The following WDR48 variants were observed in gnomAD, a reference collection of about 807,000 sequenced individuals.
The protein encoded by WDR48 is WD repeat-containing protein 48.
A neutral mutation model predicts 94.0 loss-of-function variants in WDR48; 22 were observed. The observed-to-expected ratio is 0.23, with a 90% confidence interval of 0.17 to 0.33. The LOEUF (loss-of-function observed/expected upper bound fraction) is 0.33, where lower values mean the gene tolerates loss of function less well. Among genes scored for constraint, WDR48 ranks in the 10% least tolerant of loss-of-function variants. WDR48 has a pLI of 1.00. For missense variants in WDR48, 541 were observed against 813.8 expected (o/e 0.66, Z 4.08); for synonymous variants, 278 against 280.5 (o/e 0.99, Z 0.09).
chr3:39,065,649 T>C, intron 2 of WDR48, 162 bp from the exon 3 acceptor site: 2 of 473,416 alleles, frequency 4.2e-6, no homozygotes, highest in Non-Finnish European at 7.4e-6. Flanking sequence ...ATCTGTTATC[T>C]GGAAGCATCA....
At chr3:39,052,177 G>C in intron 1 of WDR48, 104 bp downstream of exon 1, 1 of 1,420,050 alleles carries the variant, frequency 7.0e-7, no homozygotes, top group Admixed American at 2.0e-5. Context: ...TAGCGGCATG[G>C]GGCGAACGGG....
chr3:39,063,399 G>A (rs1021303104), intron 2 of WDR48, among the ~76,000 whole-genome samples: 1 of 152,142 alleles, frequency 6.6e-6, no homozygotes, highest in Non-Finnish European at 1.5e-5. Context: ...CTAAGACAAG[G>A]ACTCCCTAAA....
chr3:39,068,179 C>T (rs900379340), intron 5 of WDR48, among the ~76,000 whole-genome samples: 1 of 152,066 alleles, frequency 6.6e-6, no homozygotes, highest in Admixed American at 6.5e-5. Context: ...CTAAACAGTA[C>T]ATGTAGTAAC....
At chr3:39,069,553 A>G in intron 6 of WDR48, 90 bp from the exon 7 acceptor site, 2 of 1,153,828 alleles carry the variant, frequency 1.7e-6, no homozygotes, top group Non-Finnish European at 2.5e-6. Flanking sequence ...TCAGAATATA[A>G]TGGTTATCAT....
At chr3:39,084,838 ATATTTTGT>A (rs2034724829) in intron 13 of WDR48, 97 bp downstream of exon 13, 1 of 999,318 alleles carries the variant, frequency 1.0e-6, no homozygotes. Context: ...AAAGTTCTCT[ATATTTTGT>A]TGACTATGTC....
At chr3:39,068,199 C>T (rs188254452) in intron 5 of WDR48, among the ~76,000 whole-genome samples, 2 of 152,206 alleles carry the variant, frequency 1.3e-5, no homozygotes, top group East Asian at 3.9e-4. Flanking sequence ...CTCATTTACT[C>T]AACTTTTTAA....
intron 17 of WDR48, among the ~76,000 whole-genome samples, chr3:39,092,481 G>A (rs1244074026): frequency 6.6e-6 from 1 of 152,154 alleles, no homozygotes; most frequent in African/African-American, 2.4e-5. Flanking sequence ...CCATGCACCT[G>A]CAGCATGGGA....
chr3:39,068,201 A>G (rs776812595), intron 5 of WDR48, among the ~76,000 whole-genome samples: 28 of 152,196 alleles, frequency 1.8e-4, no homozygotes, highest in Non-Finnish European at 3.5e-4. Flanking sequence ...CATTTACTCA[A>G]CTTTTTAATA....
intron 1 of WDR48, among the ~76,000 whole-genome samples, chr3:39,058,972 G>A (rs909713888): frequency 2.0e-5 from 3 of 151,486 alleles, no homozygotes; most frequent in African/African-American, 7.3e-5. Context: ...CTACTCGGGA[G>A]CCTGAGTTGG....
At chr3:39,054,663 T>C (rs1241136929) in intron 1 of WDR48, among the ~76,000 whole-genome samples, 9 of 152,230 alleles carry the variant, frequency 5.9e-5, no homozygotes, top group Non-Finnish European at 1.3e-4. Context: ...TCCCTACTTA[T>C]GCAAGGGTGT....
At position 39,088,183 on chromosome 3, in the gene WDR48, C is replaced by T. The variant is rs1203768531; in HGVS notation, c.1530C>T (p.Pro510=). Residue 510 remains proline (P), a synonymous_variant, in exon 15 of 19, where the codon CCC becomes CCT. Coordinates refer to ENST00000302313, the MANE Select transcript of WDR48 (RefSeq NM_020839.4). ...VQKGNGYFQV[P]PHTPVIFGEA... ...AGGGAAATGGATATTTTCAAGTGCCCCCACATACACCCGTGATCTTTGGTG... is the reference window on the plus strand; with the variant it reads ...AGGGAAATGGATATTTTCAAGTGCCTCCACATACACCCGTGATCTTTGGTG... 2.5e-6 allele frequency: 4 copies of T among 1,614,090 alleles called. No individual in the cohort carries two copies. The highest frequency in any genetic ancestry group is 2.2e-5 in the South Asian group (2 of 91,072).
chr3:39,074,740 T>C lies in WDR48; in HGVS notation c.687T>C (p.Ser229=), dbSNP rs1242180075. 1 of 1,614,220 alleles carries C rather than the reference T, an allele frequency of 6.2e-7. No homozygotes were observed. Among genetic ancestry groups the C allele is most frequent in the South Asian group, 1.1e-5 (1 of 91,086 alleles). ...TTTGTTTGCAGTGCCTGTCAGGCAGTTCTGATGGGACAATTCGCCTTTGGT... is the reference window on the plus strand; with the variant it reads ...TTTGTTTGCAGTGCCTGTCAGGCAGCTCTGATGGGACAATTCGCCTTTGGT... ...NRDGTQCLSG[S]SDGTIRLWSL... Residue 229 remains serine, a synonymous_variant, in exon 8 of 19, where the codon AGT becomes AGC. Transcript: ENST00000302313.
chr3:39,084,108 G>A (rs1441916200), intron 11 of WDR48, 47 bp from the exon 12 acceptor site: 1 of 1,449,796 alleles, frequency 6.9e-7, no homozygotes, highest in Non-Finnish European at 9.4e-7. Context: ...AGAATCAAGT[G>A]AATTCACCAC....
intron 8 of WDR48, among the ~76,000 whole-genome samples, chr3:39,076,095 C>G (rs928307141): frequency 3.3e-5 from 5 of 152,186 alleles, no homozygotes; most frequent in Admixed American, 6.5e-5. Context: ...TGCAGATACC[C>G]ATTCTCTACG....
At chr3:39,052,970 A>G (rs916679516) in intron 1 of WDR48, among the ~76,000 whole-genome samples, 1 of 152,218 alleles carries the variant, frequency 6.6e-6, no homozygotes, top group East Asian at 1.9e-4. Flanking sequence ...ACGTATACCT[A>G]TGTAACAAAC....
chr3:39,071,144 C>T (rs955964459), intron 7 of WDR48, among the ~76,000 whole-genome samples: 1 of 152,100 alleles, frequency 6.6e-6, no homozygotes, highest in Non-Finnish European at 1.5e-5. Context: ...AATAAACATA[C>T]AGGATAGGAT....
chr3:39,067,107 C>G (rs977091328), intron 5 of WDR48, among the ~76,000 whole-genome samples: 8 of 152,086 alleles, frequency 5.3e-5, no homozygotes, highest in Non-Finnish European at 8.8e-5. Flanking sequence ...ATTTTTTGTA[C>G]GTGTGCATGT....
chr3:39,066,916 TTAACA>T (rs1192525319), intron 5 of WDR48, 41 bp downstream of exon 5: 1 of 1,593,626 alleles, frequency 6.3e-7, no homozygotes, highest in Admixed American at 1.8e-5. Flanking sequence ...GTGATCCAAG[TTAACA>T]TAAATAAAGA....
intron 18 of WDR48, 51 bp downstream of exon 18, chr3:39,094,117 T>A (rs2035221545): frequency 1.1e-5 from 17 of 1,569,680 alleles, no homozygotes; most frequent in Non-Finnish European, 1.5e-5. Context: ...CTGGTGCTCA[T>A]AAAGAGTTAC....
Sources: gnomAD v4.1 joint callset for allele counts (sites outside exome capture counted in the v4.1 genomes callset) on GRCh38, gnomAD v4.1.1 for gene constraint, MANE v1.5 for transcripts, NCBI Gene and HGNC (gene_info 2026-07-23, HGNC 2026-07-21) for gene names.